The following MYO3B variants were observed in gnomAD, a reference collection of about 807,000 sequenced individuals.
The protein encoded by MYO3B is myosin IIIB.
In MYO3B, 156 loss-of-function variants were observed where a neutral mutation model predicts 174.6. The ratio of observed to expected loss-of-function variants is 0.89; its 90% CI spans 0.78 to 1.02. The LOEUF (loss-of-function observed/expected upper bound fraction) is 1.02. Among genes scored for constraint, MYO3B ranks in the 50% least tolerant of loss-of-function variants. MYO3B has a pLI of 0.00. For synonymous variants in MYO3B, 563 were observed against 569.1 expected (o/e 0.99, Z 0.15); for missense variants, 1,632 against 1,639.4 (o/e 1.00, Z 0.08).
intron 28 of MYO3B, among the ~76,000 whole-genome samples, chr2:170,514,219 G>A (rs868588954): frequency 6.6e-6 from 1 of 152,200 alleles, no homozygotes; most frequent in Non-Finnish European, 1.5e-5. Flanking sequence ...ATCTTCAGCC[G>A]CTCGTGACCT....
chr2:170,502,622 C>A (rs1319386734), intron 28 of MYO3B, among the ~76,000 whole-genome samples: 2 of 152,174 alleles, frequency 1.3e-5, no homozygotes, highest in Non-Finnish European at 2.9e-5. Flanking sequence ...CCAGGCTGGG[C>A]TCCTTCCCTC....
chr2:170,622,277 G>A (rs1695988620), intron 32 of MYO3B, among the ~76,000 whole-genome samples: 1 of 152,124 alleles, frequency 6.6e-6, no homozygotes, highest in African/African-American at 2.4e-5. Flanking sequence ...GCTAGAAATT[G>A]TGCCTTAATC....
At chr2:170,618,991 T>C (rs1040425465) in intron 32 of MYO3B, among the ~76,000 whole-genome samples, 5 of 152,148 alleles carry the variant, frequency 3.3e-5, no homozygotes, top group South Asian at 2.1e-4. Flanking sequence ...GCAGTAACAA[T>C]TGCAACAAAA....
At chr2:170,556,526 C>CT (rs113099769) in intron 32 of MYO3B, among the ~76,000 whole-genome samples, 20,553 of 147,554 alleles carry the variant, frequency 0.14, 2,239 homozygotes, top group African/African-American at 0.3. Flanking sequence ...TGGATTTTTA[C>CT]TTTTTTTTTT....
chr2:170,589,576 A>G (rs1446425796), intron 32 of MYO3B, among the ~76,000 whole-genome samples: 1 of 152,154 alleles, frequency 6.6e-6, no homozygotes, highest in Non-Finnish European at 1.5e-5. Context: ...AAAAAATTTT[A>G]AATAGAAAAA....
intron 7 of MYO3B, among the ~76,000 whole-genome samples, chr2:170,330,912 A>G (rs577766176): frequency 6.6e-6 from 1 of 152,334 alleles, no homozygotes; most frequent in South Asian, 2.1e-4. Context: ...AGACCAAGTC[A>G]TATTTTGTCA....
At chr2:170,414,328 C>T (rs1197317490) in intron 22 of MYO3B, among the ~76,000 whole-genome samples, 1 of 152,048 alleles carries the variant, frequency 6.6e-6, no homozygotes, top group African/African-American at 2.4e-5. Flanking sequence ...GCTGGAATTA[C>T]AGGCCCCCAC....
chr2:170,578,125 C>T (rs1317568707), intron 32 of MYO3B, among the ~76,000 whole-genome samples: 2 of 152,188 alleles, frequency 1.3e-5, no homozygotes, highest in African/African-American at 4.8e-5. Context: ...CCAATGTTAA[C>T]GTCAAGGGTT....
chr2:170,232,552 A>G (rs1425979397), intron 6 of MYO3B, among the ~76,000 whole-genome samples: 1 of 152,244 alleles, frequency 6.6e-6, no homozygotes, highest in African/African-American at 2.4e-5. Context: ...AACTTTTATT[A>G]TAGATAGCAC....
intron 7 of MYO3B, among the ~76,000 whole-genome samples, chr2:170,326,859 T>C (rs1269926348): frequency 6.6e-6 from 1 of 152,192 alleles, no homozygotes; most frequent in Non-Finnish European, 1.5e-5. Context: ...ATACCTGATA[T>C]GGGAAACATG....
chr2:170,588,940 A>C (rs1408304176), intron 32 of MYO3B, among the ~76,000 whole-genome samples: 2 of 152,354 alleles, frequency 1.3e-5, no homozygotes, highest in East Asian at 3.9e-4. Flanking sequence ...CGTTGCAAAA[A>C]TCAACAAGGC....
rs868263083 is a variant in MYO3B at position 170,386,173 on chromosome 2, C to G, written c.1291-16C>G. On this transcript the variant is annotated splice_polypyrimidine_tract_variant and intron_variant, in intron 12 of 34. Coordinates refer to ENST00000408978, the MANE Select transcript of MYO3B (RefSeq NM_138995.5). ...TGCTATAAATTCTTCACTTGACGCTCCATTTTCTGTGCCAGTGCATTGTCA... is the reference window on the plus strand; with the variant it reads ...TGCTATAAATTCTTCACTTGACGCTGCATTTTCTGTGCCAGTGCATTGTCA... 1.2e-6 allele frequency: 2 copies of G among 1,611,622 alleles called. No individual in the cohort carries two copies. The highest frequency in any genetic ancestry group is 8.5e-7 in the Non-Finnish European group (1 of 1,178,294).
At chr2:170,513,688 CT>C (rs1688119369) in intron 28 of MYO3B, among the ~76,000 whole-genome samples, 1 of 152,192 alleles carries the variant, frequency 6.6e-6, no homozygotes. Flanking sequence ...TTAATCTCTT[CT>C]TATTCTTACT....
intron 7 of MYO3B, among the ~76,000 whole-genome samples, chr2:170,240,280 C>G (rs1192136573): frequency 6.6e-6 from 1 of 152,068 alleles, no homozygotes; most frequent in South Asian, 2.1e-4. Context: ...AATTTGCGGG[C>G]AAGATACAAG....
At position 170,327,190 on chromosome 2, in the gene MYO3B, T is replaced by G. The variant is rs547764836; in HGVS notation, c.750-8195T>G. ...TCACAAGGTCAGGAGATCGAGACCA[T>G]CCTGGCCCACATGGTAAAACCCTGT... On this transcript the variant is annotated intron_variant, in intron 7 of 34. Coordinates refer to ENST00000408978, the MANE Select transcript of MYO3B (RefSeq NM_138995.5). Among the ~76,000 whole-genome samples the G allele has an allele frequency of 1.6e-4, 24 of 152,254 alleles. 1 individual carries two copies. The South Asian group carries it at 2.7e-3, about 17-fold the overall frequency.
chr2:170,608,318 T>C (rs1199140092), intron 32 of MYO3B, among the ~76,000 whole-genome samples: 1 of 152,242 alleles, frequency 6.6e-6, no homozygotes. Context: ...CAGATATTTA[T>C]ATGTAAGTGC....
chr2:170,400,653 C>G (rs891761404), intron 17 of MYO3B, among the ~76,000 whole-genome samples: 9 of 140,702 alleles, frequency 6.4e-5, no homozygotes, highest in Admixed American at 1.4e-4. Context: ...TCCACCCCCC[C>G]CCCCTCGGCC....
chr2:170,627,358 G>C (rs940170813), intron 32 of MYO3B, among the ~76,000 whole-genome samples: 4 of 152,106 alleles, frequency 2.6e-5, no homozygotes, highest in African/African-American at 9.7e-5. Context: ...ACTGAAGCTT[G>C]TGCATTCATC....
intron 32 of MYO3B, among the ~76,000 whole-genome samples, chr2:170,551,374 T>TTATC (rs1366498108): frequency 6.8e-6 from 1 of 147,506 alleles, no homozygotes; most frequent in African/African-American, 2.5e-5. Flanking sequence ...ATTTATTTAT[T>TTATC]TATTTATTTA....
Sources: allele counts gnomAD v4.1 joint callset (sites outside exome capture counted in the v4.1 genomes callset), GRCh38; gene constraint gnomAD v4.1.1; transcripts MANE v1.5; gene names NCBI Gene and HGNC (gene_info 2026-07-23, HGNC 2026-07-21).